Variants in ROBO2 observed in about 807,000 individuals in gnomAD.
ROBO2 encodes roundabout homolog 2.
In ROBO2, 53 loss-of-function variants were observed where a neutral mutation model predicts 160.8. That is an observed-to-expected ratio of 0.33 (90% confidence interval 0.26 to 0.41). The LOEUF (loss-of-function observed/expected upper bound fraction) is 0.41, where lower values mean the gene tolerates loss of function less well. Among genes scored for constraint, ROBO2 ranks in the 10% least tolerant of loss-of-function variants. The pLI, the probability that ROBO2 is intolerant of heterozygous loss-of-function variation, is 1.00. For missense variants in ROBO2, 1,577 were observed against 1,722.4 expected (o/e 0.92, Z 1.49); for synonymous variants, 664 against 611.7 (o/e 1.09, Z -1.26).
intron 2 of ROBO2, among the ~76,000 whole-genome samples, chr3:76,517,394 T>C (rs2081393888): frequency 6.6e-6 from 1 of 152,206 alleles, no homozygotes; most frequent in Non-Finnish European, 1.5e-5. Flanking sequence ...TGGCTTTGCA[T>C]GCATCTTAAT....
At chr3:76,229,036 G>T (rs1704461746) in intron 2 of ROBO2, among the ~76,000 whole-genome samples, 1 of 151,956 alleles carries the variant, frequency 6.6e-6, no homozygotes, top group Non-Finnish European at 1.5e-5. Context: ...AAAAAGAAAA[G>T]AAATAAGATA....
chr3:77,445,804 T>G (rs139620863), intron 2 of ROBO2, among the ~76,000 whole-genome samples: 46 of 120,016 alleles, frequency 3.8e-4, no homozygotes, highest in Non-Finnish European at 3.8e-4. Flanking sequence ...GTTTTTTTTT[T>G]TTTTTTTGCT....
At chr3:76,945,036 C>G (rs909555272) in intron 2 of ROBO2, among the ~76,000 whole-genome samples, 5 of 151,804 alleles carry the variant, frequency 3.3e-5, no homozygotes, top group African/African-American at 1.2e-4. Flanking sequence ...CTACAGGCGC[C>G]CGCCACCACG....
chr3:76,178,353 A>G (rs1328023625), intron 2 of ROBO2, among the ~76,000 whole-genome samples: 2 of 152,174 alleles, frequency 1.3e-5, no homozygotes, highest in African/African-American at 4.8e-5. Context: ...TCCCAAAAAT[A>G]GCTTTGCAGT....
intron 2 of ROBO2, among the ~76,000 whole-genome samples, chr3:77,237,036 G>T (rs1388915872): frequency 6.6e-6 from 1 of 152,034 alleles, no homozygotes; most frequent in Non-Finnish European, 1.5e-5. Context: ...ACCATGCCCA[G>T]TGCTTTTTAA....
chr3:77,612,295 C>T (rs2094661397), intron 21 of ROBO2, among the ~76,000 whole-genome samples: 1 of 152,140 alleles, frequency 6.6e-6, no homozygotes, highest in South Asian at 2.1e-4. Flanking sequence ...ACTATAAAAA[C>T]AGGGCTACAC....
chr3:76,953,384 G>A (rs549221172), intron 2 of ROBO2, among the ~76,000 whole-genome samples: 77 of 152,146 alleles, frequency 5.1e-4, no homozygotes, highest in Non-Finnish European at 9.4e-4. Context: ...TCAGGAAAGG[G>A]GCAGAGTATG....
At chr3:77,285,317 A>G (rs2060507519) in intron 2 of ROBO2, among the ~76,000 whole-genome samples, 1 of 152,184 alleles carries the variant, frequency 6.6e-6, no homozygotes, top group African/African-American at 2.4e-5. Flanking sequence ...GAAATATTAA[A>G]ACAAAAAAAG....
intron 2 of ROBO2, among the ~76,000 whole-genome samples, chr3:77,307,936 C>T (rs1301298255): frequency 1.3e-5 from 2 of 151,158 alleles, no homozygotes; most frequent in African/African-American, 4.9e-5. Flanking sequence ...CCAGCCTGAG[C>T]AACAGAATGA....
intron 2 of ROBO2, among the ~76,000 whole-genome samples, chr3:76,632,231 T>C (rs1172736923): frequency 6.6e-6 from 1 of 152,202 alleles, no homozygotes; most frequent in Non-Finnish European, 1.5e-5. Context: ...AATCCTATAA[T>C]GTCCTCATCT....
chr3:77,335,882 GCTAA>G (rs376082176), intron 2 of ROBO2, among the ~76,000 whole-genome samples: 67 of 152,296 alleles, frequency 4.4e-4, no homozygotes, highest in African/African-American at 1.5e-3. Context: ...CTTGTTAACT[GCTAA>G]CTGAGTCAGT....
chr3:77,477,294 A>T, intron 2 of ROBO2, 120 bp from the exon 3 acceptor site: 1 of 967,364 alleles, frequency 1.0e-6, no homozygotes, highest in Non-Finnish European at 1.7e-6. Context: ...CTATGTTCTC[A>T]GTAAAAATCC....
intron 2 of ROBO2, among the ~76,000 whole-genome samples, chr3:76,968,445 C>T (rs935884952): frequency 1.3e-5 from 2 of 151,946 alleles, no homozygotes; most frequent in African/African-American, 2.4e-5. Context: ...ATATAAGCTC[C>T]TTTTAGGAAA....
intron 2 of ROBO2, among the ~76,000 whole-genome samples, chr3:77,283,331 C>T (rs1253634803): frequency 1.3e-5 from 2 of 152,162 alleles, no homozygotes; most frequent in South Asian, 2.1e-4. Flanking sequence ...AGGCCACCTG[C>T]ACTTCAAAGA....
chr3:76,760,795 G>A (rs1042446539), intron 2 of ROBO2, among the ~76,000 whole-genome samples: 2 of 151,580 alleles, frequency 1.3e-5, no homozygotes, highest in Non-Finnish European at 2.9e-5. Context: ...TCCATTTATT[G>A]GATAGTCAAT....
chr3:77,350,680 T>C (rs938250754), intron 2 of ROBO2, among the ~76,000 whole-genome samples: 3 of 152,148 alleles, frequency 2.0e-5, no homozygotes, highest in Admixed American at 6.5e-5. Flanking sequence ...TGGGTTTTCA[T>C]AGAAGGAAGG....
intron 2 of ROBO2, among the ~76,000 whole-genome samples, chr3:76,218,453 A>G (rs1337411267): frequency 6.6e-6 from 1 of 152,224 alleles, no homozygotes; most frequent in Admixed American, 6.5e-5. Flanking sequence ...CTGATAAGCA[A>G]CTTCAGCAAA....
chr3:77,571,759 A>T (rs1392839496), intron 13 of ROBO2, among the ~76,000 whole-genome samples: 1 of 152,036 alleles, frequency 6.6e-6, no homozygotes, highest in East Asian at 1.9e-4. Context: ...CATATGGCCT[A>T]ACTTGAAAAT....
At chr3:76,213,295 A>T (rs1286347346) in intron 2 of ROBO2, among the ~76,000 whole-genome samples, 1 of 152,156 alleles carries the variant, frequency 6.6e-6, no homozygotes, top group East Asian at 1.9e-4. Flanking sequence ...GAAAGGAAAA[A>T]ATATATATTT....
Sources: allele counts gnomAD v4.1 joint callset (sites outside exome capture counted in the v4.1 genomes callset), GRCh38; gene constraint gnomAD v4.1.1; transcripts MANE v1.5; gene names NCBI Gene and HGNC (gene_info 2026-07-23, HGNC 2026-07-21).